Variants in RORA observed in about 807,000 individuals in gnomAD.
RORA encodes the protein RAR related orphan receptor A.
In RORA, 7 loss-of-function variants were observed where a neutral mutation model predicts 69.5. The ratio of observed to expected loss-of-function variants is 0.10; its 90% confidence interval spans 0.06 to 0.19. The LOEUF is 0.19. Among genes scored for constraint, RORA ranks in the 10% least tolerant of loss-of-function variants. The pLI, the probability that RORA is intolerant of heterozygous loss-of-function variation, is 1.00. For missense variants in RORA, 457 were observed against 663.0 expected, an observed-to-expected ratio of 0.69 and a Z score of 3.41; for synonymous variants, 261 against 240.8, an observed-to-expected ratio of 1.08 and a Z score of -0.78.
chr15:61,058,159 G>T (rs897106942), intron 1 of RORA, among the ~76,000 whole-genome samples: 4 of 152,138 alleles, frequency 2.6e-5, no homozygotes, highest in Non-Finnish European at 4.4e-5. Context: ...AGCAAAGGAG[G>T]AGATAAGAAC....
intron 1 of RORA, among the ~76,000 whole-genome samples, chr15:60,728,143 G>A (rs1222322425): frequency 1.3e-5 from 2 of 152,108 alleles, no homozygotes; most frequent in South Asian, 2.1e-4. Context: ...CTTCCCATCC[G>A]GGTGACTATT....
At chr15:61,004,009 AT>A (rs1165650422) in intron 1 of RORA, among the ~76,000 whole-genome samples, 1 of 151,846 alleles carries the variant, frequency 6.6e-6, no homozygotes, top group Non-Finnish European at 1.5e-5. Context: ...AAAAAAAAAA[AT>A]GTTTGAGGAA....
intron 1 of RORA, chr15:61,212,031 C>T (rs2079996820): frequency 6.6e-6 from 1 of 152,158 alleles, no homozygotes; most frequent in Non-Finnish European, 1.5e-5. Context: ...CTTAGTTTCC[C>T]ATGGCTAGAC....
chr15:60,840,462 C>T (rs577227993), intron 1 of RORA, among the ~76,000 whole-genome samples: 15 of 152,374 alleles, frequency 9.8e-5, no homozygotes, highest in Non-Finnish European at 2.2e-4. Context: ...CAGAAGTCTC[C>T]AGACAATGGA....
At chr15:61,136,688 T>C (rs1363883829) in intron 1 of RORA, among the ~76,000 whole-genome samples, 7 of 152,086 alleles carry the variant, frequency 4.6e-5, no homozygotes, top group Non-Finnish European at 1.0e-4. Flanking sequence ...TAATTCAGAG[T>C]TACTGGGACT....
At chr15:61,066,013 C>G (rs1205558727) in intron 1 of RORA, among the ~76,000 whole-genome samples, 1 of 152,200 alleles carries the variant, frequency 6.6e-6, no homozygotes, top group East Asian at 1.9e-4. Context: ...CAATTTTCCT[C>G]TTCTGGGCTA....
At chr15:60,504,241 C>T (rs892915269) in intron 6 of RORA, among the ~76,000 whole-genome samples, 1 of 151,964 alleles carries the variant, frequency 6.6e-6, no homozygotes, top group Non-Finnish European at 1.5e-5. Context: ...TGTTTTAATT[C>T]ACTTTCATAA....
intron 1 of RORA, among the ~76,000 whole-genome samples, chr15:60,780,531 G>C (rs2140338105): frequency 6.6e-6 from 1 of 152,300 alleles, no homozygotes; most frequent in Non-Finnish European, 1.5e-5. Flanking sequence ...AGTTTTATTT[G>C]ATGTTTCATG....
chr15:60,658,143 T>C (rs1567144326), intron 2 of RORA, among the ~76,000 whole-genome samples: 1 of 151,930 alleles, frequency 6.6e-6, no homozygotes, highest in Non-Finnish European at 1.5e-5. Flanking sequence ...TGCAGTGGCG[T>C]GATCTCGGAT....
chr15:61,062,305 A>C (rs1353045377), intron 1 of RORA, among the ~76,000 whole-genome samples: 3 of 152,150 alleles, frequency 2.0e-5, no homozygotes, highest in Non-Finnish European at 2.9e-5. Context: ...CCTTTCCCTG[A>C]GATGCAGGTC....
At position 61,138,846 on chromosome 15, in the gene RORA, A is replaced by T. The variant is rs535071282; in HGVS notation, c.166+90207T>A. ...ATAAAATAAAATAAAAAAATAAATTAAATTTAAAAAAAACACAGGCCGGGC... is the reference window on the plus strand; with the variant it reads ...ATAAAATAAAATAAAAAAATAAATTTAATTTAAAAAAAACACAGGCCGGGC... On this transcript the variant is annotated intron_variant, in intron 1 of 10. Transcript: ENST00000335670. Among the ~76,000 whole-genome samples, 166 of 152,282 alleles carry T rather than the reference A, an allele frequency of 1.1e-3. 1 individual carries two copies. The highest frequency in any genetic ancestry group is 3.9e-3 in the African/African-American group (162 of 41,544).
intron 2 of RORA, among the ~76,000 whole-genome samples, chr15:60,611,332 C>A (rs921814387): frequency 1.3e-5 from 2 of 151,860 alleles, no homozygotes; most frequent in African/African-American, 4.8e-5. Flanking sequence ...TCATATCCTA[C>A]CATGTTTCCA....
chr15:60,992,760 T>C (rs1254057968), intron 1 of RORA, among the ~76,000 whole-genome samples: 1 of 152,252 alleles, frequency 6.6e-6, no homozygotes, highest in Non-Finnish European at 1.5e-5. Flanking sequence ...AGAATGCACC[T>C]GTAGACATTA....
intron 2 of RORA, among the ~76,000 whole-genome samples, chr15:60,621,839 G>C (rs1461098108): frequency 6.6e-6 from 1 of 152,104 alleles, no homozygotes; most frequent in Non-Finnish European, 1.5e-5. Flanking sequence ...CCTGAGGTCA[G>C]GAGTTCGAGA....
At chr15:61,180,785 T>C (rs2079677362) in intron 1 of RORA, among the ~76,000 whole-genome samples, 1 of 152,172 alleles carries the variant, frequency 6.6e-6, no homozygotes, top group South Asian at 2.1e-4. Context: ...CTGCCAAACA[T>C]GGCAGACACT....
At chr15:60,729,907 T>A (rs576404543) in intron 1 of RORA, among the ~76,000 whole-genome samples, 9 of 152,352 alleles carry the variant, frequency 5.9e-5, no homozygotes, top group East Asian at 5.8e-4. Context: ...TTAGTTTTTT[T>A]AAAAATTGCT....
rs1431312774 is a variant in RORA, at chr15:60,597,577, CATATATATATATATATACACAT to C, written c.197-65748_197-65727del. Among the ~76,000 whole-genome samples the C allele has an allele frequency of 2.0e-4, 5 of 25,304 alleles. 1 individual carries two copies. Among genetic ancestry groups the C allele is most frequent in the Admixed American group, 6.5e-4 (1 of 1,542 alleles). The allele number at this position is 25,304 out of a possible 152,430, so 16.6% of individuals were successfully genotyped here. ...ATATATATATATATATATATATACA[CATATATATATATATATACACAT>C]ATATATATATATATATATACATACA... On this transcript the variant is annotated intron_variant, in intron 2 of 10. Coordinates refer to ENST00000335670, the MANE Select transcript of RORA (RefSeq NM_134261.3).
At chr15:60,546,639 G>A (rs2140373407) in intron 2 of RORA, among the ~76,000 whole-genome samples, 1 of 152,268 alleles carries the variant, frequency 6.6e-6, no homozygotes, top group Non-Finnish European at 1.5e-5. Flanking sequence ...AGGACTTCCT[G>A]TGGGGAAAGC....
intron 1 of RORA, among the ~76,000 whole-genome samples, chr15:60,866,579 T>C (rs2073489655): frequency 6.6e-6 from 1 of 152,090 alleles, no homozygotes; most frequent in East Asian, 1.9e-4. Context: ...AACTGTGTGA[T>C]TGGGACTCTC....
Sources: gnomAD v4.1 joint callset for allele counts (sites outside exome capture counted in the v4.1 genomes callset) on GRCh38, gnomAD v4.1.1 for gene constraint, MANE v1.5 for transcripts, NCBI Gene and HGNC (gene_info 2026-07-23, HGNC 2026-07-21) for gene names.